PRKG1: variants seen among roughly 807,000 people sequenced by gnomAD.
PRKG1 encodes cGMP-dependent protein kinase 1.
Under a neutral mutation model 88.1 loss-of-function variants are expected in PRKG1, and 35 were observed. The ratio of observed to expected loss-of-function variants is 0.40; its 90% CI spans 0.30 to 0.53. PRKG1 has a LOEUF of 0.53. Among genes scored for constraint, PRKG1 ranks in the 20% least tolerant of loss-of-function variants. The pLI, the probability that PRKG1 is intolerant of heterozygous loss-of-function variation, is 0.59. For synonymous variants in PRKG1, 303 were observed against 292.5 expected, an observed-to-expected ratio of 1.04 and a Z score of -0.37; for missense variants, 540 against 839.8, an observed-to-expected ratio of 0.64 and a Z score of 4.41.
chr10:51,766,012 C>A (rs1457691023), intron 3 of PRKG1, among the ~76,000 whole-genome samples: 2 of 152,076 alleles, frequency 1.3e-5, no homozygotes, highest in East Asian at 3.9e-4. Flanking sequence ...CACTTGCTTG[C>A]TGTGCCCTCA....
intron 12 of PRKG1, among the ~76,000 whole-genome samples, chr10:52,276,068 T>G (rs1214040504): frequency 2.6e-5 from 4 of 152,152 alleles, no homozygotes; most frequent in Non-Finnish European, 5.9e-5. Flanking sequence ...CTGTTATCAG[T>G]TCTAGGAGCT....
intron 2 of PRKG1, among the ~76,000 whole-genome samples, chr10:51,174,665 C>G (rs540818602): frequency 8.9e-4 from 135 of 151,938 alleles, no homozygotes; most frequent in African/African-American, 3.0e-3. Flanking sequence ...TGTGGTGCAC[C>G]CCTGGGTATG....
intron 1 of PRKG1, among the ~76,000 whole-genome samples, chr10:51,111,433 T>G (rs893667884): frequency 1.6e-4 from 24 of 152,080 alleles, no homozygotes; most frequent in Admixed American, 6.6e-4. Context: ...GTTACCCTGT[T>G]GATTTTTGGA....
At chr10:51,500,502 T>A (rs1840993179) in intron 3 of PRKG1, among the ~76,000 whole-genome samples, 2 of 152,208 alleles carry the variant, frequency 1.3e-5, no homozygotes, top group South Asian at 4.1e-4. Flanking sequence ...GGTTCAGGTA[T>A]CAGACATTAG....
chr10:51,218,560 T>C (rs1838439045), intron 2 of PRKG1, among the ~76,000 whole-genome samples: 1 of 146,348 alleles, frequency 6.8e-6, no homozygotes, highest in Non-Finnish European at 1.5e-5. Flanking sequence ...TTTATATATA[T>C]GTATTTGGCA....
At chr10:51,619,641 G>A (rs1839155870) in intron 3 of PRKG1, among the ~76,000 whole-genome samples, 1 of 152,138 alleles carries the variant, frequency 6.6e-6, no homozygotes, top group Non-Finnish European at 1.5e-5. Flanking sequence ...ACAGATGATT[G>A]CATTATCATC....
intron 2 of PRKG1, among the ~76,000 whole-genome samples, chr10:51,337,123 CA>C (rs1841895993): frequency 6.6e-6 from 1 of 152,098 alleles, no homozygotes; most frequent in African/African-American, 2.4e-5. Flanking sequence ...TACAACCATC[CA>C]ATCTTTGACA....
intron 9 of PRKG1, among the ~76,000 whole-genome samples, chr10:52,243,757 AT>A (rs1281870978): frequency 3.9e-5 from 6 of 152,132 alleles, no homozygotes. Context: ...AATAAGAGAG[AT>A]TTTAAAGTCG....
intron 2 of PRKG1, among the ~76,000 whole-genome samples, chr10:51,415,851 T>C (rs1218941403): frequency 6.6e-6 from 1 of 152,098 alleles, no homozygotes; most frequent in Non-Finnish European, 1.5e-5. Context: ...TTAGTAGGTC[T>C]TTGGGTTAGG....
intron 5 of PRKG1, among the ~76,000 whole-genome samples, chr10:51,960,709 G>T (rs915875820): frequency 1.3e-5 from 2 of 152,152 alleles, no homozygotes; most frequent in African/African-American, 4.8e-5. Context: ...GATTGTCTGT[G>T]ATCCAACTGA....
chr10:51,186,288 T>G (rs1340714875), intron 2 of PRKG1, among the ~76,000 whole-genome samples: 1 of 151,918 alleles, frequency 6.6e-6, no homozygotes, highest in Admixed American at 6.6e-5. Flanking sequence ...TATATTTTTC[T>G]CATTTAATCT....
At chr10:52,125,891 G>A (rs946601383) in intron 7 of PRKG1, 1 of 151,966 alleles carries the variant, frequency 6.6e-6, no homozygotes, top group African/African-American at 2.4e-5. Context: ...TTGCACTTTG[G>A]GACAGTGATG....
chr10:51,012,159 T>G (rs192219104), intron 1 of PRKG1, among the ~76,000 whole-genome samples: 1 of 152,290 alleles, frequency 6.6e-6, no homozygotes, highest in East Asian at 1.9e-4. Context: ...GCATGGGTTC[T>G]GCATGGTTTC....
At chr10:52,231,055 C>T (rs1355399927) in intron 9 of PRKG1, 2 of 152,154 alleles carry the variant, frequency 1.3e-5, no homozygotes, top group African/African-American at 4.8e-5. Flanking sequence ...CTTCATGGAG[C>T]ACCCCATTTT....
chr10:51,006,120 C>A (rs1237870425), intron 1 of PRKG1, among the ~76,000 whole-genome samples: 2 of 152,176 alleles, frequency 1.3e-5, no homozygotes, highest in East Asian at 1.9e-4. Context: ...TGCCTGTTTG[C>A]AGCTTAGAGA....
At chr10:51,098,770 G>C (rs892295922) in intron 1 of PRKG1, among the ~76,000 whole-genome samples, 9 of 152,084 alleles carry the variant, frequency 5.9e-5, no homozygotes, top group Admixed American at 2.0e-4. Context: ...ACATCCTCTT[G>C]GTTTCCTTTT....
chr10:52,094,673 G>A (rs190467178), intron 7 of PRKG1, among the ~76,000 whole-genome samples: 3 of 152,118 alleles, frequency 2.0e-5, no homozygotes, highest in Non-Finnish European at 4.4e-5. Context: ...AAGTTCTGGT[G>A]AGACCTCTCT....
At chr10:51,118,588 C>G (rs2131910833) in intron 1 of PRKG1, among the ~76,000 whole-genome samples, 1 of 152,212 alleles carries the variant, frequency 6.6e-6, no homozygotes. Context: ...TCGATAATTT[C>G]TACACTAACA....
At chr10:51,621,527 G>A (rs1371912856) in intron 3 of PRKG1, among the ~76,000 whole-genome samples, 2 of 152,090 alleles carry the variant, frequency 1.3e-5, no homozygotes, top group African/African-American at 4.8e-5. Context: ...TTAGTCCCTA[G>A]AGCCATCTTG....
Sources: gnomAD v4.1 joint callset for allele counts (sites outside exome capture counted in the v4.1 genomes callset) on GRCh38, gnomAD v4.1.1 for gene constraint, MANE v1.5 for transcripts, NCBI Gene and HGNC (gene_info 2026-07-23, HGNC 2026-07-21) for gene names.